RNF220: variants seen among roughly 807,000 people sequenced by gnomAD.
RNF220 encodes the protein ring finger protein 220, also known as E3 ubiquitin-protein ligase RNF220.
In RNF220, 7 loss-of-function variants were observed where a neutral mutation model predicts 67.1. That is an observed-to-expected ratio of 0.10 (90% confidence interval 0.06 to 0.20). RNF220 has a LOEUF of 0.20. Among genes scored for constraint, RNF220 ranks in the 10% least tolerant of loss-of-function variants. RNF220 has a pLI of 1.00. For missense variants in RNF220, 565 were observed against 740.3 expected (o/e 0.76, Z 2.75); for synonymous variants, 270 against 283.2 (o/e 0.95, Z 0.47).
At chr1:44,517,537 A>T (rs1055901284) in intron 2 of RNF220, among the ~76,000 whole-genome samples, 6 of 151,752 alleles carry the variant, frequency 4.0e-5, no homozygotes, top group African/African-American at 1.5e-4. Context: ...TATTGTCTTC[A>T]AGTGTGTTTG....
intron 5 of RNF220, among the ~76,000 whole-genome samples, chr1:44,628,080 G>C (rs1020398940): frequency 6.6e-6 from 1 of 152,244 alleles, no homozygotes; most frequent in Non-Finnish European, 1.5e-5. Flanking sequence ...AGACAACCCT[G>C]GTTCAAGGCA....
intron 7 of RNF220, 70 bp downstream of exon 7, chr1:44,635,658 C>T: frequency 6.2e-7 from 1 of 1,613,450 alleles, no homozygotes; most frequent in Non-Finnish European, 8.5e-7. Context: ...GGAGCATTGC[C>T]TTTCTAAGGT....
At position 44,632,276 on chromosome 1, in the gene RNF220, CCAGGACTG is replaced by C. The variant is rs1306484653; in HGVS notation, c.907-62_907-55del. On this transcript the variant is annotated intron_variant, in intron 5 of 14. Transcript: ENST00000361799. ...CGGGGGTCCGGTGCTGGGGCGGGGG[CCAGGACTG>C]CAGGCCGCGCCTGACGCTCTCTTTT... 2.5e-6 allele frequency: 4 copies of C among 1,613,732 alleles called. No homozygotes were observed. The Admixed American group carries it at 5.0e-5, about 20-fold the overall frequency.
chr1:44,473,751 A>C (rs1655026374), intron 2 of RNF220, among the ~76,000 whole-genome samples: 1 of 152,162 alleles, frequency 6.6e-6, no homozygotes, highest in Non-Finnish European at 1.5e-5. Context: ...TATCGTAGCT[A>C]TCTCATCCAA....
chr1:44,584,014 ATCAT>A (rs1250224702), intron 2 of RNF220, among the ~76,000 whole-genome samples: 2 of 152,214 alleles, frequency 1.3e-5, no homozygotes, highest in Non-Finnish European at 2.9e-5. Flanking sequence ...ATTCTCTCAC[ATCAT>A]TCTCACAGCT....
At chr1:44,642,837 T>G (rs1644527236) in intron 8 of RNF220, among the ~76,000 whole-genome samples, 1 of 152,180 alleles carries the variant, frequency 6.6e-6, no homozygotes, top group African/African-American at 2.4e-5. Context: ...GGCCAGCTGC[T>G]GAGCTGCGTG....
At chr1:44,434,714 TA>T (rs56088540) in intron 2 of RNF220, among the ~76,000 whole-genome samples, 78,088 of 142,748 alleles carry the variant, frequency 0.55, 21,503 homozygotes, top group Admixed American at 0.64. Context: ...GAGACTCTCT[TA>T]AAAAAAAAAA....
At chr1:44,420,247 A>C (rs1649059301) in intron 2 of RNF220, among the ~76,000 whole-genome samples, 1 of 152,248 alleles carries the variant, frequency 6.6e-6, no homozygotes, top group African/African-American at 2.4e-5. Flanking sequence ...ATCTGGAGCT[A>C]TGTGAGTGAA....
intron 2 of RNF220, among the ~76,000 whole-genome samples, chr1:44,457,429 A>G (rs1653304043): frequency 6.6e-6 from 1 of 152,206 alleles, no homozygotes; most frequent in Admixed American, 6.5e-5. Flanking sequence ...AGATAATTCC[A>G]GGCAAAGAAA....
At chr1:44,536,089 C>T (rs992232395) in intron 2 of RNF220, among the ~76,000 whole-genome samples, 3 of 152,230 alleles carry the variant, frequency 2.0e-5, no homozygotes, top group Admixed American at 1.3e-4. Context: ...ATTCCAGGGC[C>T]TTCCTGCATT....
chr1:44,510,736 A>C (rs549520916), intron 2 of RNF220, among the ~76,000 whole-genome samples: 127 of 152,260 alleles, frequency 8.3e-4, no homozygotes, highest in Middle Eastern at 3.4e-3. Context: ...CTCCCCTACC[A>C]GTCGTTACGC....
In RNF220 at chr1:44,600,460, C is replaced by T. The variant is rs1666844984; in HGVS notation, c.626-13705C>T. On this transcript the variant is annotated intron_variant, in intron 2 of 14. Transcript: ENST00000361799. This position sits in a 1 kb window ranked among gnomAD's most constrained non-coding sequence, Gnocchi z 4.0. ...ATAAGTCCCACACAGCCACTTACCT[C>T]GTAACCATGGGCAAACTAAGAACTT... 6.6e-6 allele frequency among the ~76,000 whole-genome samples: 1 copy of T among 152,198 alleles called. No individual in the cohort carries two copies. Among genetic ancestry groups the T allele is most frequent in the Admixed American group, 6.5e-5 (1 of 15,274 alleles).
chr1:44,575,466 G>A (rs1664738126), intron 2 of RNF220, among the ~76,000 whole-genome samples: 1 of 152,094 alleles, frequency 6.6e-6, no homozygotes, highest in African/African-American at 2.4e-5. Context: ...CAATAAACAT[G>A]GGAGTCAAGT....
intron 2 of RNF220, among the ~76,000 whole-genome samples, chr1:44,533,773 A>T (rs1661004208): frequency 6.6e-6 from 1 of 152,246 alleles, no homozygotes. Context: ...CCAAGTTAGG[A>T]GGAGTTGGCA....
chr1:44,618,038 G>A (rs143068025), intron 3 of RNF220, among the ~76,000 whole-genome samples: 1 of 152,090 alleles, frequency 6.6e-6, no homozygotes, highest in Non-Finnish European at 1.5e-5. Flanking sequence ...GGATGCTGCC[G>A]CCAGGTGCCC....
intron 2 of RNF220, among the ~76,000 whole-genome samples, chr1:44,479,801 C>T (rs1160917711): frequency 2.6e-5 from 4 of 152,180 alleles, no homozygotes; most frequent in African/African-American, 9.7e-5. Flanking sequence ...ATCCTGCTTG[C>T]AAACTAGCCA....
At chr1:44,484,173 G>A (rs1656076264) in intron 2 of RNF220, among the ~76,000 whole-genome samples, 1 of 152,084 alleles carries the variant, frequency 6.6e-6, no homozygotes, top group Non-Finnish European at 1.5e-5. Flanking sequence ...CAGTCACATA[G>A]CGGTGCCTTT....
At position 44,649,691 on chromosome 1, in the gene RNF220, T is replaced by G. The variant is rs750537001; in HGVS notation, c.1476T>G (p.Phe492Leu). 6.2e-7 allele frequency: 1 copy of G among 1,614,026 alleles called. No individual in the cohort carries two copies. Among genetic ancestry groups the G allele is most frequent in the Non-Finnish European group, 8.5e-7 (1 of 1,179,946 alleles). ...KITEDSAVTT[F>L]EALKARVREL... ...CCGAAGATTCAGCTGTGACCACGTT[T>G]GAGGCTCTGAAGGCTCGGGTCAGAG... The change falls in exon 13 of 15, where the codon TTT becomes TTG. Residue 492 changes from phenylalanine (F) to leucine (L), a missense_variant. Physicochemically the swap from Phe to Leu is conservative, Grantham distance 22. Coordinates refer to ENST00000361799, the MANE Select transcript of RNF220 (RefSeq NM_018150.4). The surrounding 1 kb of genome is among the most constrained non-coding windows in gnomAD (Gnocchi z 5.9).
chr1:44,513,774 C>T (rs751059568), intron 2 of RNF220, among the ~76,000 whole-genome samples: 9 of 152,222 alleles, frequency 5.9e-5, no homozygotes, highest in Non-Finnish European at 1.3e-4. Context: ...TTTCATGGGT[C>T]ATCCTCTGCA....
Sources: gnomAD v4.1 joint callset for allele counts (sites outside exome capture counted in the v4.1 genomes callset) on GRCh38, gnomAD v4.1.1 for gene constraint, Gnocchi (gnomAD v3.1) non-coding constraint, MANE v1.5 for transcripts, NCBI Gene and HGNC (gene_info 2026-07-23, HGNC 2026-07-21) for gene names.